The following ANKRD7 variants were observed in gnomAD, a reference collection of about 807,000 sequenced individuals.
ANKRD7 encodes ankyrin repeat domain-containing protein 7.
Under a neutral mutation model 30.8 loss-of-function variants are expected in ANKRD7, and 30 were observed. The ratio of observed to expected loss-of-function variants is 0.97; its 90% CI spans 0.73 to 1.32. The LOEUF is 1.32. Ranked by LOEUF, ANKRD7 falls within the 40% of genes most tolerant of loss-of-function variation. The pLI is 0.00. For missense variants in ANKRD7, 264 were observed against 295.7 expected (o/e 0.89, Z 0.79); for synonymous variants, 97 against 106.6 (o/e 0.91, Z 0.55).
intron 1 of ANKRD7, among the ~76,000 whole-genome samples, chr7:118,232,295 T>G (rs1046083054): frequency 3.3e-5 from 5 of 152,114 alleles, no homozygotes; most frequent in Non-Finnish European, 5.9e-5. Flanking sequence ...TCTGTATGTT[T>G]TTTAAAACAT....
intron 1 of ANKRD7, among the ~76,000 whole-genome samples, chr7:118,229,150 T>C (rs1005554887): frequency 2.0e-5 from 3 of 152,134 alleles, no homozygotes; most frequent in African/African-American, 4.8e-5. Flanking sequence ...TTAGGGTTTT[T>C]GGACTAGCTG....
In ANKRD7 at chr7:118,237,095, G is replaced by A. The variant is rs541819507; in HGVS notation, c.712+169G>A. Among the ~76,000 whole-genome samples, 180 of 152,244 alleles carry A rather than the reference G, an allele frequency of 1.2e-3. 1 individual carries two copies. Among genetic ancestry groups the A allele is most frequent in the African/African-American group, 4.2e-3 (174 of 41,532 alleles). On this transcript the variant is annotated intron_variant, in intron 5 of 6. Transcript: ENST00000265224. The stretch of plus-strand genomic sequence containing the variant: ...TGTTTGTGGGTTCAATCAATATAAG[G>A]GCTACAGATGGGCTGAATATGCAAA...
chr7:118,239,882 G>A, intron 5 of ANKRD7, 27 bp from the exon 6 acceptor site: 1 of 1,466,292 alleles, frequency 6.8e-7, no homozygotes. Flanking sequence ...TATGCATGCT[G>A]GCATTCACAC....
intron 1 of ANKRD7, among the ~76,000 whole-genome samples, chr7:118,231,853 C>T (rs1809645452): frequency 6.6e-6 from 1 of 151,996 alleles, no homozygotes; most frequent in Admixed American, 6.6e-5. Flanking sequence ...ATCGGTTAGC[C>T]TGAAAACCTA....
At chr7:118,236,207 C>CATATGT (rs1554368689) in intron 4 of ANKRD7, 60 bp downstream of exon 4, 13 of 595,956 alleles carry the variant, frequency 2.2e-5, no homozygotes, top group Non-Finnish European at 3.3e-5. Flanking sequence ...TGTGTGTGTG[C>CATATGT]GTATGTGTGT....
At position 118,236,934 on chromosome 7, in the gene ANKRD7, A is replaced by G; in HGVS notation, c.712+8A>G. On this transcript the variant is annotated splice_region_variant and intron_variant, in intron 5 of 6. Transcript: ENST00000265224. ...TTTCCATGGTTTTACTGCGTAAGTG[A>G]TACTGCATGTCTTTTAACAACTGTA... is the stretch of plus-strand genomic sequence containing the variant. 6.2e-7 allele frequency: 1 copy of G among 1,612,974 alleles called. No individual in the cohort carries two copies. The highest frequency in any genetic ancestry group is 8.5e-7 in the Non-Finnish European group (1 of 1,179,422).
At chr7:118,234,648 A>C (rs773534608) in intron 2 of ANKRD7, 53 bp from the exon 3 acceptor site, 61 of 1,567,790 alleles carry the variant, frequency 3.9e-5, no homozygotes, top group Non-Finnish European at 5.1e-5. Context: ...ACATTAATTT[A>C]TCATATCCCA....
intron 1 of ANKRD7, among the ~76,000 whole-genome samples, chr7:118,230,032 AAAT>A (rs1454700226): frequency 5.3e-5 from 8 of 152,090 alleles, no homozygotes; most frequent in African/African-American, 1.9e-4. Context: ...ACGTACCTCA[AAAT>A]AATAAGGGAC....
chr7:118,241,905 G>A (rs761480877), intron 6 of ANKRD7, among the ~76,000 whole-genome samples: 2 of 151,938 alleles, frequency 1.3e-5, no homozygotes, highest in Non-Finnish European at 2.9e-5. Flanking sequence ...TCTTTTAAAT[G>A]TCTGTGCAGC....
intron 1 of ANKRD7, among the ~76,000 whole-genome samples, chr7:118,228,871 C>T (rs983954706): frequency 6.6e-6 from 1 of 152,120 alleles, no homozygotes; most frequent in Non-Finnish European, 1.5e-5. Context: ...TACACTTTTC[C>T]CTTTTCAGCT....
At chr7:118,238,341 CA>C (rs1441090390) in intron 5 of ANKRD7, among the ~76,000 whole-genome samples, 1 of 151,668 alleles carries the variant, frequency 6.6e-6, no homozygotes, top group Non-Finnish European at 1.5e-5. Flanking sequence ...GGAAGAAAAG[CA>C]ACTTCCTAAT....
At chr7:118,230,023 C>T (rs891181346) in intron 1 of ANKRD7, among the ~76,000 whole-genome samples, 3 of 151,972 alleles carry the variant, frequency 2.0e-5, no homozygotes, top group Admixed American at 6.6e-5. Context: ...ATCGAAGGAA[C>T]GTACCTCAAA....
chr7:118,232,978 G>T (rs1809666181), intron 1 of ANKRD7, among the ~76,000 whole-genome samples: 1 of 151,974 alleles, frequency 6.6e-6, no homozygotes, highest in Non-Finnish European at 1.5e-5. Flanking sequence ...TGGATTGAGG[G>T]CTCTGAAAAC....
At chr7:118,227,239 A>G (rs1373979187) in intron 1 of ANKRD7, among the ~76,000 whole-genome samples, 1 of 152,206 alleles carries the variant, frequency 6.6e-6, no homozygotes, top group African/African-American at 2.4e-5. Flanking sequence ...AATAGCATAT[A>G]AAAATTCTAA....
chr7:118,239,548 A>G (rs1166722622), intron 5 of ANKRD7, among the ~76,000 whole-genome samples: 1 of 152,210 alleles, frequency 6.6e-6, no homozygotes, highest in Non-Finnish European at 1.5e-5. Context: ...ATAAATGTGC[A>G]GCCGACAGAA....
intron 6 of ANKRD7, 109 bp downstream of exon 6, chr7:118,240,107 T>C: frequency 2.6e-6 from 1 of 387,578 alleles, no homozygotes; most frequent in Non-Finnish European, 4.3e-6. Flanking sequence ...AAATGGAAAT[T>C]TTGTATTATT....
chr7:118,232,514 T>G (rs551520099), intron 1 of ANKRD7, among the ~76,000 whole-genome samples: 212 of 152,242 alleles, frequency 1.4e-3, no homozygotes, highest in African/African-American at 4.9e-3. Context: ...GTGGAATCTT[T>G]CATGGCTATT....
intron 1 of ANKRD7, among the ~76,000 whole-genome samples, chr7:118,226,058 G>C (rs1025182019): frequency 1.3e-5 from 2 of 152,164 alleles, no homozygotes; most frequent in African/African-American, 4.8e-5. Context: ...TATGAACTCT[G>C]TTAAACCACT....
intron 6 of ANKRD7, among the ~76,000 whole-genome samples, chr7:118,240,876 C>T (rs1342895483): frequency 4.0e-5 from 6 of 151,802 alleles, no homozygotes; most frequent in Admixed American, 1.3e-4. Context: ...AGTTATTGGC[C>T]GGGCGCGGTG....
Sources: allele counts gnomAD v4.1 joint callset (sites outside exome capture counted in the v4.1 genomes callset), GRCh38; gene constraint gnomAD v4.1.1; transcripts MANE v1.5; gene names NCBI Gene and HGNC (gene_info 2026-07-23, HGNC 2026-07-21).